ARHGAP6: variants seen among roughly 807,000 people sequenced by gnomAD.
The protein encoded by ARHGAP6 is rho GTPase-activating protein 6.
ARHGAP6 carries 16 observed loss-of-function variants against 55.7 expected under a neutral mutation model. The ratio of observed to expected loss-of-function variants is 0.29; its 90% CI spans 0.19 to 0.44. The LOEUF (loss-of-function observed/expected upper bound fraction) is 0.44, where lower values mean the gene tolerates loss of function less well. Among genes scored for constraint, ARHGAP6 ranks in the 20% least tolerant of loss-of-function variants. The probability of loss-of-function intolerance (pLI) is 1.00; values close to 1 mark genes in which losing one functional copy is unlikely to be tolerated. For synonymous variants in ARHGAP6, 382 were observed against 360.9 expected (o/e 1.06, Z -0.66); for missense variants, 698 against 808.9 (o/e 0.86, Z 1.66).
intron 9 of ARHGAP6, among the ~76,000 whole-genome samples, chrX:11,163,591 T>C (rs1003943671): frequency 1.8e-5 from 2 of 112,473 alleles, no homozygotes; most frequent in Admixed American, 1.9e-4. Flanking sequence ...ATTTTGTAGT[T>C]AACAAACACA....
intron 2 of ARHGAP6, among the ~76,000 whole-genome samples, chrX:11,198,399 G>C (rs1048541189): frequency 8.9e-6 from 1 of 111,810 alleles, no homozygotes; most frequent in African/African-American, 3.2e-5. Context: ...ACATCTAAAA[G>C]ATGATCTACT....
intron 1 of ARHGAP6, among the ~76,000 whole-genome samples, chrX:11,429,910 G>A (rs1603203636): frequency 8.9e-6 from 1 of 112,062 alleles, no homozygotes; most frequent in East Asian, 2.8e-4. Context: ...GGGGGCACGT[G>A]TGTACAGATG....
chrX:11,598,857 G>A (rs929429325), intron 1 of ARHGAP6, among the ~76,000 whole-genome samples: 1 of 111,349 alleles, frequency 9.0e-6, no homozygotes, highest in African/African-American at 3.3e-5. Context: ...AGGAGTTTGA[G>A]ACCAGTCTGG....
intron 1 of ARHGAP6, among the ~76,000 whole-genome samples, chrX:11,518,147 C>A (rs946915623): frequency 1.8e-5 from 2 of 110,603 alleles, no homozygotes; most frequent in Non-Finnish European, 3.8e-5. Context: ...TCTTTTCTTT[C>A]TTTTCTTTTC....
intron 1 of ARHGAP6, among the ~76,000 whole-genome samples, chrX:11,625,014 G>A (rs1182283904): frequency 8.9e-6 from 1 of 111,994 alleles, no homozygotes; most frequent in East Asian, 2.8e-4. Context: ...AATAACAAAT[G>A]CGGATGGAAT....
Position 11,514,741 on chromosome X carries a change from T to G in ARHGAP6, c.588+149500A>C, listed in dbSNP as rs1180649150. ...ATGTGATTTTCAGTATCTTCTTGAT[T>G]TGACCCACTTTTACTTTCCAAAGTT... is the stretch of plus-strand genomic sequence containing the variant. On this transcript the variant is annotated intron_variant, in intron 1 of 12. Transcript: ENST00000337414. Among the ~76,000 whole-genome samples, 9 of 110,864 alleles carry G rather than the reference T, an allele frequency of 8.1e-5. No homozygotes were observed. In the East Asian group the frequency reaches 2.5e-3, roughly 31 times the overall value.
intron 1 of ARHGAP6, among the ~76,000 whole-genome samples, chrX:11,537,883 T>TA (rs1475058495): frequency 1.8e-5 from 2 of 111,254 alleles, no homozygotes; most frequent in Non-Finnish European, 3.8e-5. Context: ...GAATGAGAAT[T>TA]AAAAAACACA....
At position 11,139,365 on chromosome X, in the gene ARHGAP6, T is replaced by A. The variant is rs1228652844; in HGVS notation, c.2423A>T (p.Glu808Val). 2.5e-6 allele frequency: 3 copies of A among 1,178,750 alleles called. No homozygotes were observed. The highest frequency in any genetic ancestry group is 3.4e-6 in the Non-Finnish European group (3 of 880,883). The change falls in exon 13 of 13, where the codon GAG (glutamate) becomes GTG (valine). Residue 808 changes from glutamate (E) to valine (V), a missense_variant. This residue lies in a region of ARHGAP6 where 212 missense variants were observed against 208.7 expected (regional missense o/e 1.02). Transcript: ENST00000337414. Reference sequence around the variant, plus strand: ...CGACACCGCAGGGTGGGCCCTGCCCTCCGTCGCGGGGGCTGCGGCCTGAGT... The same window carrying A: ...CGACACCGCAGGGTGGGCCCTGCCCACCGTCGCGGGGGCTGCGGCCTGAGT... ...RRTQAAAPAT[E>V]GRAHPAVSRA...
intron 1 of ARHGAP6, among the ~76,000 whole-genome samples, chrX:11,394,722 T>G (rs778184216): frequency 1.4e-4 from 15 of 110,927 alleles, no homozygotes; most frequent in Non-Finnish European, 2.6e-4. Context: ...ATCATTTTTT[T>G]GTTACTACTT....
chrX:11,578,116 A>C (rs1281854263), intron 1 of ARHGAP6, among the ~76,000 whole-genome samples: 1 of 111,966 alleles, frequency 8.9e-6, no homozygotes, highest in Non-Finnish European at 1.9e-5. Flanking sequence ...GTGGCTTAAA[A>C]TGGAGGTCTA....
intron 1 of ARHGAP6, among the ~76,000 whole-genome samples, chrX:11,542,778 G>C (rs190019336): frequency 9.1e-4 from 102 of 111,725 alleles, no homozygotes; most frequent in African/African-American, 3.2e-3. Flanking sequence ...TCCACCCCAA[G>C]AACACACAAT....
chrX:11,300,679 A>T, intron 1 of ARHGAP6: 1 of 1,056,880 alleles, frequency 9.5e-7, no homozygotes, highest in African/African-American at 1.8e-5. Flanking sequence ...GAACACAATG[A>T]TTTTTGCTTA....
chrX:11,526,910 G>A (rs1024938307), intron 1 of ARHGAP6, among the ~76,000 whole-genome samples: 2 of 110,677 alleles, frequency 1.8e-5, no homozygotes, highest in Admixed American at 9.7e-5. Context: ...GGTTAAAATG[G>A]AGGAGAGGTG....
Position 11,139,195 on chromosome X carries a change from G to C in ARHGAP6, c.2593C>G (p.Pro865Ala). 6 of 1,204,311 alleles carry C rather than the reference G, an allele frequency of 5.0e-6. No individual in the cohort carries two copies. The highest frequency in any genetic ancestry group is 6.7e-6 in the Non-Finnish European group (6 of 892,923). The change falls in exon 13 of 13, where the codon CCT (proline) becomes GCT (alanine). Residue 865 changes from proline to alanine, a missense_variant. Coordinates refer to ENST00000337414, the MANE Select transcript of ARHGAP6 (RefSeq NM_013427.3). ...CTCCCATGGGGTCTTTGGCACTGAGGTGTGGCCCGGCTCTGCAGCCCGGCC... is the reference window on the plus strand; with the variant it reads ...CTCCCATGGGGTCTTTGGCACTGAGCTGTGGCCCGGCTCTGCAGCCCGGCC... The part of the protein sequence containing the change: ...DVAGLQSRAT[P>A]QCQRPHGSGR...
chrX:11,327,054 A>T (rs754942817), intron 1 of ARHGAP6, among the ~76,000 whole-genome samples: 14 of 111,800 alleles, frequency 1.3e-4, no homozygotes, highest in Middle Eastern at 4.6e-3. Flanking sequence ...GCACTGTATA[A>T]GTTACTAATG....
chrX:11,238,847 G>A (rs1307834947), intron 2 of ARHGAP6, among the ~76,000 whole-genome samples: 2 of 111,799 alleles, frequency 1.8e-5, no homozygotes, highest in African/African-American at 6.5e-5. Flanking sequence ...TCTTTGCTTG[G>A]CTGCAACTTC....
intron 1 of ARHGAP6, among the ~76,000 whole-genome samples, chrX:11,350,649 C>G (rs2147669794): frequency 9.0e-6 from 1 of 111,669 alleles, no homozygotes; most frequent in African/African-American, 3.2e-5. Context: ...TCTACTGTCC[C>G]AAACAGAATG....
chrX:11,599,987 T>A (rs184845688), intron 1 of ARHGAP6, among the ~76,000 whole-genome samples: 58 of 111,904 alleles, frequency 5.2e-4, no homozygotes, highest in African/African-American at 1.6e-3. Context: ...AGAGAGTAAA[T>A]GGAACAGAGA....
intron 1 of ARHGAP6, among the ~76,000 whole-genome samples, chrX:11,517,342 A>T (rs1173896561): frequency 8.9e-6 from 1 of 111,893 alleles, no homozygotes; most frequent in African/African-American, 3.2e-5. Flanking sequence ...GCAGCGTATT[A>T]CGTACTCTCC....
Sources: gnomAD v4.1 joint callset for allele counts (sites outside exome capture counted in the v4.1 genomes callset) on GRCh38, gnomAD v4.1.1 for gene constraint, gnomAD v4.1.1 regional missense constraint, MANE v1.5 for transcripts, NCBI Gene and HGNC (gene_info 2026-07-23, HGNC 2026-07-21) for gene names.